CHRM5: variants seen among roughly 807,000 people sequenced by gnomAD.
The protein encoded by CHRM5 is muscarinic acetylcholine receptor M5.
Under a neutral mutation model 39.0 loss-of-function variants are expected in CHRM5, and 18 were observed. The observed-to-expected ratio is 0.46, with a 90% confidence interval of 0.32 to 0.68. CHRM5 has a LOEUF of 0.68. Ranked by LOEUF, CHRM5 falls within the 30% of genes least tolerant of loss-of-function variation. The probability of loss-of-function intolerance (pLI) is 0.04; values close to 1 mark genes in which losing one functional copy is unlikely to be tolerated. For missense variants in CHRM5, 515 were observed against 651.1 expected (o/e 0.79, Z 2.28); for synonymous variants, 241 against 246.3 (o/e 0.98, Z 0.20).
chr15:34,031,168 A>ATTTTTTTTTTTTT (rs34414446), intron 1 of CHRM5, among the ~76,000 whole-genome samples: 4 of 67,600 alleles, frequency 5.9e-5, no homozygotes, highest in Non-Finnish European at 7.6e-5. Flanking sequence ...GCTTAGGTTA[A>ATTTTTTTTTTTTT]TTTTTTTTTT....
At chr15:34,041,682 A>C (rs1484949074) in intron 1 of CHRM5, among the ~76,000 whole-genome samples, 1 of 152,186 alleles carries the variant, frequency 6.6e-6, no homozygotes, top group African/African-American at 2.4e-5. Flanking sequence ...TTTAACACTT[A>C]TTTTGCACCT....
chr15:34,018,054 G>T (rs188037957), intron 1 of CHRM5, among the ~76,000 whole-genome samples: 1 of 152,280 alleles, frequency 6.6e-6, no homozygotes, highest in African/African-American at 2.4e-5. Flanking sequence ...AATGGTTTAT[G>T]TATTTACTAT....
At chr15:34,005,369 C>T (rs546569979) in intron 1 of CHRM5, among the ~76,000 whole-genome samples, 1 of 152,256 alleles carries the variant, frequency 6.6e-6, no homozygotes, top group South Asian at 2.1e-4. Flanking sequence ...CCTATTTTTA[C>T]GACCCTGACT....
chr15:34,021,530 C>T (rs139524376), intron 1 of CHRM5, among the ~76,000 whole-genome samples: 3,248 of 152,168 alleles, frequency 0.021, 57 homozygotes, highest in Non-Finnish European at 0.029. Context: ...GGTGAGCCAC[C>T]GCGCCTGGCT....
chr15:34,032,397 A>G, intron 1 of CHRM5, among the ~76,000 whole-genome samples: 1 of 152,170 alleles, frequency 6.6e-6, no homozygotes, highest in East Asian at 1.9e-4. Flanking sequence ...CAGAAAACAC[A>G]TGCCAGTGGT....
intron 1 of CHRM5, among the ~76,000 whole-genome samples, chr15:33,993,304 C>T (rs1896803965): frequency 6.6e-6 from 1 of 152,202 alleles, no homozygotes; most frequent in African/African-American, 2.4e-5. Flanking sequence ...GCATGATTAT[C>T]TCTTTCAGAG....
At chr15:33,994,791 A>G (rs1457455649) in intron 1 of CHRM5, among the ~76,000 whole-genome samples, 2 of 152,190 alleles carry the variant, frequency 1.3e-5, no homozygotes, top group Non-Finnish European at 2.9e-5. Context: ...TTGAAGTTCT[A>G]TATTCTCTAC....
At chr15:34,012,946 T>C (rs1897696816) in intron 1 of CHRM5, among the ~76,000 whole-genome samples, 2 of 152,238 alleles carry the variant, frequency 1.3e-5, no homozygotes. Flanking sequence ...ATCATTGTCA[T>C]GGTCTGTTTT....
intron 1 of CHRM5, among the ~76,000 whole-genome samples, chr15:34,003,683 T>C (rs1266078182): frequency 1.3e-5 from 2 of 152,232 alleles, no homozygotes; most frequent in Non-Finnish European, 1.5e-5. Context: ...AACTTAAACA[T>C]ATATTACTAG....
chr15:34,059,084 AC>A (rs1331446152), intron 2 of CHRM5, among the ~76,000 whole-genome samples: 1 of 150,242 alleles, frequency 6.7e-6, no homozygotes, highest in African/African-American at 2.5e-5. Flanking sequence ...TTTAGTAGAG[AC>A]AGGGTTTCAT....
chr15:33,992,546 T>A (rs183585377), intron 1 of CHRM5, among the ~76,000 whole-genome samples: 2 of 152,332 alleles, frequency 1.3e-5, no homozygotes, highest in Admixed American at 1.3e-4. Context: ...ATTTTTTAAT[T>A]TATAGTTCTG....
intron 1 of CHRM5, chr15:34,039,219 CG>C: frequency 2.2e-6 from 1 of 446,250 alleles, no homozygotes; most frequent in South Asian, 9.5e-5. Context: ...CGGGGCGGGG[CG>C]GGGCGGCCGG....
At position 34,062,554 on chromosome 15, in the gene CHRM5, CAAAAAAA is replaced by C. The variant is rs10632153; in HGVS notation, c.-75-75_-75-69del. On this transcript the variant is annotated intron_variant, in intron 2 of 2. Transcript: ENST00000383263. ...TGGGTGACAAAGCGAGATTCTGTCTCAAAAAAAAAAAAAAAAAAAACTATAAACAATG... is the reference window on the plus strand; with the variant it reads ...TGGGTGACAAAGCGAGATTCTGTCTCAAAAAAAAAAAAACTATAAACAATG... 5 of 411,378 alleles carry C rather than the reference CAAAAAAA, an allele frequency of 1.2e-5. No homozygotes were observed. The Admixed American group carries it at 2.7e-4, about 22-fold the overall frequency. The allele number at this position is 411,378 out of a possible 1,614,324, so 25.5% of individuals were successfully genotyped here.
At chr15:34,055,749 C>T (rs1900120009) in intron 2 of CHRM5, among the ~76,000 whole-genome samples, 1 of 150,140 alleles carries the variant, frequency 6.7e-6, no homozygotes, top group South Asian at 2.1e-4. Context: ...TGCAGTGAGC[C>T]GAGATCACAC....
At chr15:34,052,245 A>C (rs1899948939) in intron 2 of CHRM5, among the ~76,000 whole-genome samples, 1 of 152,220 alleles carries the variant, frequency 6.6e-6, no homozygotes, top group Non-Finnish European at 1.5e-5. Flanking sequence ...AAAGAAAAAA[A>C]ACCACATGAT....
At chr15:33,998,660 T>C (rs1897026650) in intron 1 of CHRM5, among the ~76,000 whole-genome samples, 1 of 152,186 alleles carries the variant, frequency 6.6e-6, no homozygotes, top group Non-Finnish European at 1.5e-5. Flanking sequence ...CTTGTGAAGA[T>C]CACCAATAAC....
At chr15:34,025,745 G>T (rs979787892) in intron 1 of CHRM5, among the ~76,000 whole-genome samples, 13 of 147,744 alleles carry the variant, frequency 8.8e-5, no homozygotes, top group Admixed American at 2.7e-4. Flanking sequence ...TTTTTGTTTT[G>T]GTTTGGTTTT....
At chr15:34,032,040 C>CACACACAG (rs746130624) in intron 1 of CHRM5, among the ~76,000 whole-genome samples, 1 of 151,344 alleles carries the variant, frequency 6.6e-6, no homozygotes, top group Non-Finnish European at 1.5e-5. Flanking sequence ...CACACACACA[C>CACACACAG]AGGGCTTCTA....
intron 1 of CHRM5, chr15:34,003,275 T>C: frequency 1.4e-6 from 2 of 1,451,808 alleles, no homozygotes; most frequent in African/African-American, 1.4e-5. Flanking sequence ...GACTTCCCAG[T>C]AAAACAAAAA....
Sources: gnomAD v4.1 joint callset for allele counts (sites outside exome capture counted in the v4.1 genomes callset) on GRCh38, gnomAD v4.1.1 for gene constraint, MANE v1.5 for transcripts, NCBI Gene and HGNC (gene_info 2026-07-23, HGNC 2026-07-21) for gene names.